PARP10: variants seen among roughly 807,000 people sequenced by gnomAD.
PARP10 encodes the protein protein mono-ADP-ribosyltransferase PARP10.
A neutral mutation model predicts 82.4 loss-of-function variants in PARP10; 56 were observed. The observed-to-expected ratio is 0.68, with a 90% CI of 0.55 to 0.85. PARP10 has a LOEUF of 0.85. PARP10 is among the 40% of genes least tolerant of loss of function. The probability of loss-of-function intolerance (pLI) is 0.00; values close to 1 mark genes in which losing one functional copy is unlikely to be tolerated. For missense variants in PARP10, 1,227 were observed against 1,379.4 expected (o/e 0.89, Z 1.75); for synonymous variants, 576 against 601.1 (o/e 0.96, Z 0.61).
At chr8:143,998,448 T>G (rs1554751448) in intron 1 of PARP10, among the ~76,000 whole-genome samples, 1 of 152,184 alleles carries the variant, frequency 6.6e-6, no homozygotes, top group Non-Finnish European at 1.5e-5. Context: ...TCTGCAATTT[T>G]TTATAGACAA....
chr8:144,002,798 A>C (rs1834210958), intron 1 of PARP10, among the ~76,000 whole-genome samples: 1 of 152,180 alleles, frequency 6.6e-6, no homozygotes, highest in Non-Finnish European at 1.5e-5. Context: ...TGTTCATCAA[A>C]AGATACCTTA....
upstream of PARP10, chr8:143,992,958 A>C: frequency 4.8e-6 from 4 of 831,770 alleles, no homozygotes; most frequent in South Asian, 1.7e-5. Context: ...AGCCTAGGGA[A>C]AAGGATGCCT....
At chr8:144,001,062 T>C (rs1165560816) in intron 1 of PARP10, among the ~76,000 whole-genome samples, 2 of 151,598 alleles carry the variant, frequency 1.3e-5, no homozygotes, top group African/African-American at 4.8e-5. Context: ...TACAGGCGCC[T>C]GCCACCACGC....
chr8:143,988,945 C>T (rs1834045101), upstream of PARP10: 1 of 152,228 alleles, frequency 6.6e-6, no homozygotes, highest in Non-Finnish European at 1.5e-5. Flanking sequence ...CCACAGGCAC[C>T]ACTCACACCA....
At chr8:143,978,893 C>A (rs1253500317) in intron 9 of PARP10, among the ~76,000 whole-genome samples, 1 of 151,946 alleles carries the variant, frequency 6.6e-6, no homozygotes, top group African/African-American at 2.4e-5. Context: ...CCAAGAAGGA[C>A]AATGAGGAAA....
chr8:144,006,555 T>C (rs1349377254), intron 1 of PARP10, among the ~76,000 whole-genome samples: 3 of 152,122 alleles, frequency 2.0e-5, no homozygotes, highest in Admixed American at 6.5e-5. Flanking sequence ...TAACCAAAGT[T>C]TGGGGTCAGG....
At chr8:143,992,209 A>C (rs372445018), upstream of PARP10, 11 of 1,602,366 alleles carry the variant, frequency 6.9e-6, 2 homozygotes, top group Non-Finnish European at 9.4e-6. Flanking sequence ...GCATGGGGGC[A>C]CACACCCAAG....
In PARP10 at chr8:143,981,304, T is replaced by TGGTGATGGTGATGATGGTGGTGACGAC. The variant is rs1564248209; in HGVS notation, c.2556+1627_2556+1628insGTCGTCACCACCATCATCACCATCACC. On this transcript the variant is annotated intron_variant, in intron 9 of 10. Transcript: ENST00000313028. ...ATGATGGTGGCCACGGTGGTGGTGG[T>TGGTGATGGTGATGATGGTGGTGACGAC]AGTGGTGGTGGTGATGGTGGTGACG... is the stretch of plus-strand genomic sequence containing the variant. Among the ~76,000 whole-genome samples, 14 of 148,460 alleles carry TGGTGATGGTGATGATGGTGGTGACGAC rather than the reference T, an allele frequency of 9.4e-5. 1 individual carries two copies. In the East Asian group the frequency reaches 2.5e-3, roughly 27 times the overall value.
chr8:143,992,240 T>G (rs1554750664), upstream of PARP10: 4 of 1,604,110 alleles, frequency 2.5e-6, 1 homozygote, highest in South Asian at 4.5e-5. Context: ...GTCTCCCAAC[T>G]GCAGTCGGTC....
Position 143,985,866 on chromosome 8 carries a change from G to C in PARP10, c.291C>G (p.Pro97=). The change falls in exon 3 of 11, where the codon CCC becomes CCG. Residue 97 remains proline (P), a synonymous_variant. Transcript: ENST00000313028. ...CCAAGCGCTGGGGCGTGGTGCCAGGGGGCAGTCCTTGGAGCAGCAGGCGTG... is the reference window on the plus strand; with the variant it reads ...CCAAGCGCTGGGGCGTGGTGCCAGGCGGCAGTCCTTGGAGCAGCAGGCGTG... ...APARLLLQGL[P]PGTTPQRLEQ... 1 of 1,607,968 alleles carries C rather than the reference G, an allele frequency of 6.2e-7. No homozygotes were observed. The highest frequency in any genetic ancestry group is 1.1e-5 in the South Asian group (1 of 90,758).
upstream of PARP10, chr8:143,993,243 CT>C (rs2076794982): frequency 4.1e-6 from 1 of 244,162 alleles, no homozygotes; most frequent in Non-Finnish European, 8.1e-6. Context: ...TAGAGCACCC[CT>C]CCCCTCCCCC....
At chr8:144,001,342 C>T (rs1361196174) in intron 1 of PARP10, among the ~76,000 whole-genome samples, 1 of 152,204 alleles carries the variant, frequency 6.6e-6, no homozygotes, top group African/African-American at 2.4e-5. Context: ...CCCTCAGCCT[C>T]TCAAGTACCT....
rs897050556 is a variant in PARP10 at position 144,004,514 on chromosome 8, G to T, written c.-80+8016C>A. ...ACAAGTGAAGTAGCCCCACCTCCCG[G>T]TACCTCACACTGCCAACTCCACGCA... On this transcript the variant is annotated intron_variant, in intron 1 of 3. Coordinates refer to the PARP10 transcript ENST00000530478. Among the ~76,000 whole-genome samples, 19 of 152,230 alleles carry T rather than the reference G, an allele frequency of 1.2e-4. 1 individual carries two copies. The highest frequency in any genetic ancestry group is 2.1e-4 in the Non-Finnish European group (14 of 68,010).
At chr8:143,989,434 AT>A (rs1834051988), upstream of PARP10, 1 of 152,238 alleles carries the variant, frequency 6.6e-6, no homozygotes, top group African/African-American at 2.4e-5. The surrounding 1 kb of genome is among the most constrained non-coding windows in gnomAD (Gnocchi z 4.3). Context: ...ATAATTGTAC[AT>A]TTTAAAACAA....
At chr8:144,002,691 A>G (rs1554751774) in intron 1 of PARP10, among the ~76,000 whole-genome samples, 2 of 152,216 alleles carry the variant, frequency 1.3e-5, no homozygotes, top group Non-Finnish European at 2.9e-5. Context: ...TGGATGAAGA[A>G]TATAAATCTC....
At chr8:143,999,360 C>T (rs1554751528) in intron 1 of PARP10, among the ~76,000 whole-genome samples, 1 of 151,948 alleles carries the variant, frequency 6.6e-6, no homozygotes, top group East Asian at 1.9e-4. Context: ...GCACCACCAC[C>T]CCTGGCTAAT....
intron 1 of PARP10, among the ~76,000 whole-genome samples, chr8:144,000,332 T>C (rs1420810469): frequency 6.6e-6 from 1 of 151,956 alleles, no homozygotes; most frequent in African/African-American, 2.4e-5. Context: ...ACAGGGAAAA[T>C]GCCATGTGGA....
At chr8:144,001,477 CA>C in intron 1 of PARP10, among the ~76,000 whole-genome samples, 2 of 152,232 alleles carry the variant, frequency 1.3e-5, no homozygotes, top group South Asian at 4.1e-4. Context: ...GAGGCCGAGG[CA>C]GGCGGACCAC....
intron 1 of PARP10, among the ~76,000 whole-genome samples, chr8:143,998,724 C>A (rs558271453): frequency 6.6e-6 from 1 of 152,176 alleles, no homozygotes; most frequent in African/African-American, 2.4e-5. Context: ...CAAAGGCAGG[C>A]GGATCACTTG....
Sources: gnomAD v4.1 joint callset for allele counts (sites outside exome capture counted in the v4.1 genomes callset) on GRCh38, gnomAD v4.1.1 for gene constraint, Gnocchi (gnomAD v3.1) non-coding constraint, MANE v1.5 for transcripts, NCBI Gene and HGNC (gene_info 2026-07-23, HGNC 2026-07-21) for gene names.